Variants in DGKB observed in about 807,000 individuals in gnomAD.
DGKB encodes the protein 90 kDa diacylglycerol kinase.
DGKB carries 67 observed loss-of-function variants against 114.3 expected under a neutral mutation model. The observed-to-expected ratio is 0.59, with a 90% CI of 0.48 to 0.72. The LOEUF is 0.72. DGKB is among the 30% of genes least tolerant of loss of function. The pLI is 0.00. For synonymous variants in DGKB, 398 were observed against 323.1 expected (o/e 1.23, Z -2.49); for missense variants, 907 against 975.2 (o/e 0.93, Z 0.93).
At chr7:14,673,489 G>A (rs562744493) in intron 12 of DGKB, among the ~76,000 whole-genome samples, 1 of 148,804 alleles carries the variant, frequency 6.7e-6, no homozygotes, top group African/African-American at 2.5e-5. Flanking sequence ...CCCATCATTA[G>A]TTTTAACTTT....
intron 20 of DGKB, among the ~76,000 whole-genome samples, chr7:14,535,309 T>C (rs1477849651): frequency 6.7e-6 from 1 of 149,038 alleles, no homozygotes; most frequent in African/African-American, 2.5e-5. Flanking sequence ...TTCAAGGCAG[T>C]AGCAAGCTAT....
intron 23 of DGKB, among the ~76,000 whole-genome samples, chr7:14,333,976 C>A (rs1010622080): frequency 2.0e-5 from 3 of 152,100 alleles, no homozygotes; most frequent in Non-Finnish European, 4.4e-5. Context: ...TTAAAATCTT[C>A]TCTGATAAAA....
At chr7:14,649,947 T>A (rs916978500) in intron 13 of DGKB, among the ~76,000 whole-genome samples, 1 of 147,342 alleles carries the variant, frequency 6.8e-6, no homozygotes, top group Admixed American at 6.8e-5. Context: ...AAGAGCTAAC[T>A]ATCCTAAATA....
chr7:14,878,884 T>C (rs1288580537), intron 1 of DGKB, among the ~76,000 whole-genome samples: 1 of 152,068 alleles, frequency 6.6e-6, no homozygotes, highest in Non-Finnish European at 1.5e-5. Flanking sequence ...ATCTTGCATA[T>C]GTTTTAGCAT....
chr7:14,318,617 C>A (rs1436700623), intron 23 of DGKB, among the ~76,000 whole-genome samples: 1 of 151,974 alleles, frequency 6.6e-6, no homozygotes, highest in East Asian at 1.9e-4. Flanking sequence ...GAATGGCAAT[C>A]ATTAAAAAGT....
intron 14 of DGKB, among the ~76,000 whole-genome samples, chr7:14,625,210 C>G (rs930564943): frequency 6.6e-6 from 1 of 152,016 alleles, no homozygotes; most frequent in African/African-American, 2.4e-5. Context: ...AACACACAGA[C>G]ACACGCATCA....
chr7:14,475,418 G>C (rs1297404289), intron 21 of DGKB, among the ~76,000 whole-genome samples: 1 of 152,108 alleles, frequency 6.6e-6, no homozygotes, highest in Non-Finnish European at 1.5e-5. Flanking sequence ...TTAGGGAATT[G>C]CCTAAATGCT....
At chr7:14,972,445 T>C (rs1236076463) in intron 1 of DGKB, among the ~76,000 whole-genome samples, 2 of 152,108 alleles carry the variant, frequency 1.3e-5, no homozygotes, top group Non-Finnish European at 2.9e-5. Flanking sequence ...TGTTTTCAAA[T>C]CCACAGGAAA....
chr7:14,868,660 C>A lies in DGKB; in HGVS notation c.-187-27210G>T, dbSNP rs1162788113. Among the ~76,000 whole-genome samples the A allele has an allele frequency of 3.9e-5, 6 of 152,120 alleles. No individual in the cohort carries two copies. In the East Asian group the frequency reaches 7.7e-4, roughly 20 times the overall value. ...ACTTCTTCCCTTTAACTCTCCCCAT[C>A]ATTTTACCTATAATGAGAAATTGCC... On this transcript the variant is annotated intron_variant, in intron 1 of 25. Transcript: ENST00000402815.
At chr7:14,698,885 A>C (rs991472957) in intron 7 of DGKB, among the ~76,000 whole-genome samples, 1 of 152,166 alleles carries the variant, frequency 6.6e-6, no homozygotes, top group Non-Finnish European at 1.5e-5. Flanking sequence ...AAATGCTTGT[A>C]ATTTCACATG....
intron 21 of DGKB, among the ~76,000 whole-genome samples, chr7:14,451,834 T>C (rs1027143125): frequency 2.0e-5 from 3 of 152,062 alleles, no homozygotes; most frequent in Non-Finnish European, 4.4e-5. Flanking sequence ...CCCCAAACTC[T>C]TACTTCACCA....
intron 1 of DGKB, among the ~76,000 whole-genome samples, chr7:14,865,737 T>C (rs181810644): frequency 1.3e-5 from 2 of 152,118 alleles, no homozygotes; most frequent in Admixed American, 1.3e-4. Flanking sequence ...ATTTAAAGAT[T>C]TGGGAGTCAT....
chr7:14,202,195 C>T (rs16878094), intron 23 of DGKB, among the ~76,000 whole-genome samples: 2,398 of 152,060 alleles, frequency 0.016, 160 homozygotes, highest in Admixed American at 0.11. Flanking sequence ...TATTTATATG[C>T]TTAAACCATT....
chr7:14,187,973 G>A (rs901513227), intron 23 of DGKB, among the ~76,000 whole-genome samples: 23 of 151,798 alleles, frequency 1.5e-4, no homozygotes, highest in Middle Eastern at 6.3e-3. Context: ...TTCATGATCC[G>A]AATGAGAAAT....
chr7:14,849,917 A>T (rs879527169), intron 1 of DGKB, among the ~76,000 whole-genome samples: 1 of 152,186 alleles, frequency 6.6e-6, no homozygotes, highest in Non-Finnish European at 1.5e-5. Context: ...AGTGTAGTGG[A>T]AGAAGGAGAC....
At chr7:14,828,224 G>A (rs542327474) in intron 2 of DGKB, among the ~76,000 whole-genome samples, 13 of 152,186 alleles carry the variant, frequency 8.5e-5, no homozygotes, top group African/African-American at 2.6e-4. Context: ...GTTAAGAGCT[G>A]GTGGGAGTAA....
chr7:14,879,704 T>C (rs1266279024), intron 1 of DGKB, among the ~76,000 whole-genome samples: 1 of 152,168 alleles, frequency 6.6e-6, no homozygotes, highest in Non-Finnish European at 1.5e-5. Flanking sequence ...GGAAGAATAA[T>C]CAACAAGCCA....
chr7:14,899,920 T>C (rs2128236307), intron 1 of DGKB, among the ~76,000 whole-genome samples: 1 of 152,248 alleles, frequency 6.6e-6, no homozygotes. Flanking sequence ...AGTGGTAAAT[T>C]CTAACCCAGC....
intron 1 of DGKB, among the ~76,000 whole-genome samples, chr7:14,922,112 G>C (rs534392991): frequency 2.6e-5 from 4 of 151,390 alleles, no homozygotes; most frequent in Admixed American, 1.3e-4. Context: ...AGTAGAGGTA[G>C]AATTATGTTC....
Sources: allele counts gnomAD v4.1 joint callset (sites outside exome capture counted in the v4.1 genomes callset), GRCh38; gene constraint gnomAD v4.1.1; transcripts MANE v1.5; gene names NCBI Gene and HGNC (gene_info 2026-07-23, HGNC 2026-07-21).